The following KRT75 variants were observed in gnomAD, a reference collection of about 807,000 sequenced individuals.
The protein encoded by KRT75 is keratin, type II cytoskeletal 75.
A neutral mutation model predicts 48.8 loss-of-function variants in KRT75; 35 were observed. That is an observed-to-expected ratio of 0.72 (90% CI 0.55 to 0.95). The LOEUF is 0.95. Ranked by LOEUF, KRT75 falls within the 40% of genes least tolerant of loss-of-function variation. The probability of loss-of-function intolerance (pLI) is 0.00; values close to 1 mark genes in which losing one functional copy is unlikely to be tolerated. For missense variants in KRT75, 776 were observed against 709.9 expected, an observed-to-expected ratio of 1.09 and a Z score of -1.06; for synonymous variants, 301 against 282.3, an observed-to-expected ratio of 1.07 and a Z score of -0.66.
intron 8 of KRT75, among the ~76,000 whole-genome samples, chr12:52,425,799 AC>A (rs1940069796): frequency 6.6e-6 from 1 of 152,194 alleles, no homozygotes; most frequent in Non-Finnish European, 1.5e-5. Flanking sequence ...GGCCCTGCTA[AC>A]CCTTAATTTC....
chr12:52,428,728 C>T lies in KRT75; in HGVS notation c.1051G>A (p.Val351Ile), dbSNP rs781249370. The change falls in exon 6 of 9, where the codon GTC becomes ATC. Residue 351 changes from valine to isoleucine, a missense_variant. Coordinates refer to ENST00000252245, the MANE Select transcript of KRT75 (RefSeq NM_004693.3). ...TCATCCCCATGTCTGCCTGCGGTGA[C>T]CTGCAGCTCCTCGTACTGAGAGAAC... ...WYQTKYEELQ[V>I]TAGRHGDDLR... 3.7e-6 allele frequency: 6 copies of T among 1,613,996 alleles called. No homozygotes were observed. In the African/African-American group the frequency reaches 5.3e-5, roughly 14 times the overall value.
intron 5 of KRT75, 100 bp downstream of exon 5, chr12:52,430,441 A>G: frequency 7.9e-7 from 1 of 1,272,486 alleles, no homozygotes; most frequent in East Asian, 2.3e-5. Context: ...GTTGAAATAA[A>G]CGAATGTGCT....
Position 52,428,407 on chromosome 12 carries a change from C to T in KRT75, c.1231G>A (p.Ala411Thr), listed in dbSNP as rs1182050861. The change falls in exon 7 of 9, where the codon GCC (alanine) becomes ACC (threonine). Residue 411 changes from alanine (A) to threonine (T), a missense_variant. By Grantham distance (58) the Ala-to-Thr change is moderately conservative. Coordinates refer to ENST00000252245, the MANE Select transcript of KRT75 (RefSeq NM_004693.3). Reference protein sequence around the residue: ...RGELALKDARAKLVDLEEALQ... With the variant: ...RGELALKDARTKLVDLEEALQ... ...GCCTCCTCAAGGTCCACCAGCTTGG[C>T]CCGTGCATCCTTGAGAGCCAGTTCT... 3.1e-6 allele frequency: 5 copies of T among 1,614,188 alleles called. No individual in the cohort carries two copies. The highest frequency in any genetic ancestry group is 2.2e-5 in the East Asian group (1 of 44,868).
chr12:52,429,240 C>G (rs1422124631), intron 5 of KRT75, among the ~76,000 whole-genome samples: 1 of 152,160 alleles, frequency 6.6e-6, no homozygotes, highest in Non-Finnish European at 1.5e-5. Context: ...ACAGAGCGTG[C>G]ATCCAGACCA....
intron 7 of KRT75, among the ~76,000 whole-genome samples, chr12:52,427,298 G>A (rs1940086776): frequency 6.6e-6 from 1 of 152,180 alleles, no homozygotes; most frequent in African/African-American, 2.4e-5. Context: ...AGTAATATCA[G>A]TTTATTATTA....
chr12:52,433,293 G>C, intron 1 of KRT75, 41 bp from the exon 2 acceptor site: 1 of 1,538,190 alleles, frequency 6.5e-7, no homozygotes, highest in Non-Finnish European at 9.0e-7. Flanking sequence ...AGAAGTTGGA[G>C]AGGCAGAGTT....
intron 1 of KRT75, 129 bp from the exon 2 acceptor site, chr12:52,433,381 A>C (rs1332244503): frequency 5.9e-6 from 5 of 848,262 alleles, no homozygotes; most frequent in Non-Finnish European, 9.5e-6. Context: ...TGTAACTGAC[A>C]ACTCCAACCC....
At position 52,433,163 on chromosome 12, in the gene KRT75, T is replaced by C. The variant is rs779660201; in HGVS notation, c.588A>G (p.Leu196=). The change falls in exon 2 of 9, where the codon CTA becomes CTG. Residue 196 remains leucine (L), a synonymous_variant. Transcript: ENST00000252245. ...TGGTATAGGAATCAAAGAGGGGCTC[T>C]AGGTTCTGCCTCACAGTCCTGGAGC... ...EQGSRTVRQN[L]EPLFDSYTSE... 6.2e-7 allele frequency: 1 copy of C among 1,614,080 alleles called. No individual in the cohort carries two copies. Among genetic ancestry groups the C allele is most frequent in the Non-Finnish European group, 8.5e-7 (1 of 1,180,006 alleles).
chr12:52,425,146 C>T (rs1411833713), intron 8 of KRT75, among the ~76,000 whole-genome samples: 2 of 152,122 alleles, frequency 1.3e-5, no homozygotes, highest in Non-Finnish European at 2.9e-5. Context: ...CTTCCCTCAG[C>T]GTCTCCCAGC....
In KRT75 at chr12:52,434,255, A is replaced by C; in HGVS notation, c.50T>G (p.Phe17Cys). Residue 17 changes from phenylalanine (F) to cysteine (C), a missense_variant, in exon 1 of 9, where the codon TTC becomes TGC. Phe to Cys is a radical substitution (Grantham distance 205, BLOSUM62 -2). Transcript: ENST00000252245. ...CGGGGTGATGGCCGAGGTGGTGCTG[A>C]AGCCCCTGCGGCTGCCAGACTGGAA... ...ITFQSGSRRGFSTTSAITPAA... is the reference protein window; with the variant it reads ...ITFQSGSRRGCSTTSAITPAA... 1.3e-6 allele frequency: 2 copies of C among 1,589,324 alleles called. No individual in the cohort carries two copies. Among genetic ancestry groups the C allele is most frequent in the South Asian group, 1.1e-5 (1 of 87,216 alleles).
chr12:52,429,509 C>T (rs1424912084), intron 5 of KRT75, among the ~76,000 whole-genome samples: 1 of 152,156 alleles, frequency 6.6e-6, no homozygotes, highest in African/African-American at 2.4e-5. Context: ...AAAAGGAGAT[C>T]CCCTGCCAGA....
At position 52,428,254 on chromosome 12, in the gene KRT75, A is replaced by T. The variant is rs758214816; in HGVS notation, c.1382+2T>A. The T allele has an allele frequency of 1.9e-6, 3 of 1,613,716 alleles. No individual in the cohort carries two copies. The highest frequency in any genetic ancestry group is 2.5e-6 in the Non-Finnish European group (3 of 1,180,016). On this transcript the variant is annotated splice_donor_variant, in intron 7 of 8. Coordinates refer to ENST00000252245, the MANE Select transcript of KRT75 (RefSeq NM_004693.3). LOFTEE classifies it high-confidence loss of function. Reference sequence around the variant, plus strand: ...AGGATGAAGTTGGTGCATCTGCCTCACCTGCACTCCTCGCCTTCCAGCAGC... The same window carrying T: ...AGGATGAAGTTGGTGCATCTGCCTCTCCTGCACTCCTCGCCTTCCAGCAGC...
chr12:52,424,945 C>T (rs962479326), intron 8 of KRT75, among the ~76,000 whole-genome samples, 190 bp from the exon 9 acceptor site: 1 of 152,186 alleles, frequency 6.6e-6, no homozygotes, highest in Non-Finnish European at 1.5e-5. Context: ...TCCAGGCAGC[C>T]TCTTAGGCTG....
At position 52,433,870 on chromosome 12, in the gene KRT75, C is replaced by A; in HGVS notation, c.435G>T (p.Val145=). The stretch of plus-strand genomic sequence containing the variant: ...TGATCTGCTCGCGCTCCTCGGCCCG[C>A]ACCCGCTGGATGGTGGGGTCGATTT... ...HLQIDPTIQR[V]RAEEREQIKT... Residue 145 remains valine (V), a synonymous_variant, in exon 1 of 9, where the codon GTG becomes GTT. Transcript: ENST00000252245. The A allele has an allele frequency of 1.2e-6, 2 of 1,614,178 alleles. No individual in the cohort carries two copies. Among genetic ancestry groups the A allele is most frequent in the South Asian group, 2.2e-5 (2 of 91,078 alleles).
In KRT75 at chr12:52,434,073, T is replaced by C. The variant is rs1233417007; in HGVS notation, c.232A>G (p.Ser78Gly). The C allele has an allele frequency of 6.2e-7, 1 of 1,614,142 alleles. No individual in the cohort carries two copies. The highest frequency in any genetic ancestry group is 1.7e-5 in the Admixed American group (1 of 60,028). ...AKRVSINGCG[S>G]SCRSGFGGRA... ...CCACCAAAGCCACTTCGGCAGCTGC[T>C]GCCACACCCATTGATGGAGACCCGC... Residue 78 changes from serine to glycine, a missense_variant, in exon 1 of 9, where the codon AGC (serine) becomes GGC (glycine). By Grantham distance (56) the Ser-to-Gly change is moderately conservative (BLOSUM62 0). Transcript: ENST00000252245.
chr12:52,433,732 CT>C, intron 1 of KRT75, 74 bp downstream of exon 1: 1 of 1,601,688 alleles, frequency 6.2e-7, no homozygotes, highest in Non-Finnish European at 8.5e-7. Flanking sequence ...CATTATTGCT[CT>C]CCCCCCATGG....
At chr12:52,427,683 A>G (rs1206912519) in intron 7 of KRT75, among the ~76,000 whole-genome samples, 1 of 152,204 alleles carries the variant, frequency 6.6e-6, no homozygotes, top group Non-Finnish European at 1.5e-5. Flanking sequence ...AACCCTTTTA[A>G]TAATGTGAGA....
chr12:52,424,521 T>A lies in KRT75; in HGVS notation c.1652A>T (p.His551Leu). The A allele has an allele frequency of 6.2e-7, 1 of 1,613,872 alleles. No individual in the cohort carries two copies. Among genetic ancestry groups the A allele is most frequent in the South Asian group, 1.1e-5 (1 of 91,062 alleles). ...AGAGGGAGCCATGGGGCTCTCTTAG[T>A]GCGTGTAGCTCTTCTGGCTGGAGGA... The part of the protein sequence containing the change: ...TTSSSQKSYT[H>L] Residue 551 changes from histidine to leucine, a missense_variant, in exon 9 of 9, where the codon CAC becomes CTC. His to Leu is a moderately conservative substitution (Grantham distance 99). Transcript: ENST00000252245.
rs1309533773 is a variant in KRT75, at chr12:52,428,837, C to T, written c.1036-94G>A. ...ACCCACCCTGGGTGCCACAAGCAGG[C>T]TCATTCATTCCTGGTCATTCACTCA... On this transcript the variant is annotated intron_variant, in intron 5 of 8. Coordinates refer to ENST00000252245, the MANE Select transcript of KRT75 (RefSeq NM_004693.3). 8.1e-6 allele frequency: 12 copies of T among 1,489,748 alleles called. No homozygotes were observed. In the African/African-American group the frequency reaches 8.3e-5, roughly 10 times the overall value. The allele number at this position is 1,489,748 out of a possible 1,614,324, so 92.3% of individuals were successfully genotyped here.
Sources: allele counts gnomAD v4.1 joint callset (sites outside exome capture counted in the v4.1 genomes callset), GRCh38; gene constraint gnomAD v4.1.1; transcripts MANE v1.5; gene names NCBI Gene and HGNC (gene_info 2026-07-23, HGNC 2026-07-21).